The following CHLSN variants were observed in gnomAD, a reference collection of about 807,000 sequenced individuals.
CHLSN encodes protein cholesin.
the CHLSN span, among the ~76,000 whole-genome samples, chr7:1,022,270 C>G: frequency 6.6e-6 from 1 of 152,320 alleles, no homozygotes; most frequent in African/African-American, 2.4e-5. Flanking sequence ...TCCTGGACCA[C>G]GAGCTCCTCT....
chr7:1,074,290 C>T, the CHLSN span, among the ~76,000 whole-genome samples: 1 of 116,474 alleles, frequency 8.6e-6, no homozygotes, highest in Non-Finnish European at 1.8e-5. Flanking sequence ...CATCCCGCTG[C>T]CATCACGCCT....
chr7:1,119,873 G>A, the CHLSN span, among the ~76,000 whole-genome samples: 689 of 97,670 alleles, frequency 7.1e-3, 8 homozygotes, highest in African/African-American at 0.033. Context: ...GCGAAACTCC[G>A]TCAAAAAAAA....
the CHLSN span, among the ~76,000 whole-genome samples, chr7:1,132,291 T>G: frequency 6.6e-6 from 1 of 152,222 alleles, no homozygotes; most frequent in Admixed American, 6.5e-5. Flanking sequence ...CTAATGCCTG[T>G]AATCCCAGCA....
chr7:1,126,514 T>C, the CHLSN span, among the ~76,000 whole-genome samples: 143 of 151,990 alleles, frequency 9.4e-4, no homozygotes, highest in African/African-American at 3.4e-3. Context: ...ACCCGGTCTC[T>C]ATCAAATATA....
chr7:1,108,401 G>A, the CHLSN span, among the ~76,000 whole-genome samples: 12,721 of 151,078 alleles, frequency 0.084, 711 homozygotes, highest in South Asian at 0.12. Flanking sequence ...CGCGCTCTGC[G>A]GGGAAGCAGA....
the CHLSN span, among the ~76,000 whole-genome samples, chr7:1,017,872 G>C: frequency 6.6e-6 from 1 of 152,244 alleles, no homozygotes; most frequent in Non-Finnish European, 1.5e-5. Flanking sequence ...ACCCGCCTTG[G>C]TGGGATGGCG....
the CHLSN span, chr7:1,028,317 C>T: frequency 9.6e-7 from 1 of 1,037,472 alleles, no homozygotes; most frequent in Non-Finnish European, 1.2e-6. Context: ...GATGCGCCCG[C>T]AGTGCGCACC....
chr7:1,041,347 C>T, the CHLSN span, among the ~76,000 whole-genome samples: 1 of 105,192 alleles, frequency 9.5e-6, no homozygotes, highest in African/African-American at 4.5e-5. Context: ...GTCCGCGCTG[C>T]GGGGAAGGGG....
At chr7:995,698 T>C in the CHLSN span, among the ~76,000 whole-genome samples, 36 of 152,284 alleles carry the variant, frequency 2.4e-4, no homozygotes, top group Non-Finnish European at 4.7e-4. Context: ...AGGCACCGCC[T>C]GGCAGATCTG....
At chr7:1,061,259 G>A in the CHLSN span, among the ~76,000 whole-genome samples, 2 of 152,106 alleles carry the variant, frequency 1.3e-5, no homozygotes, top group Non-Finnish European at 2.9e-5. Context: ...CCTGCTGGGT[G>A]GCCCTGTGGA....
chr7:1,023,354 C>T, the CHLSN span, among the ~76,000 whole-genome samples: 3 of 152,150 alleles, frequency 2.0e-5, no homozygotes, highest in Admixed American at 6.5e-5. This position sits in a 1 kb window ranked among gnomAD's most constrained non-coding sequence, Gnocchi z 5.0. Context: ...TTAGGGAAGA[C>T]GCACAGGGGC....
chr7:1,060,465 A>T, the CHLSN span, among the ~76,000 whole-genome samples: 1 of 152,068 alleles, frequency 6.6e-6, no homozygotes, highest in Non-Finnish European at 1.5e-5. Context: ...TGGAATTCTG[A>T]GTATGCCCGG....
the CHLSN span, among the ~76,000 whole-genome samples, chr7:983,738 G>A: frequency 6.6e-6 from 1 of 152,212 alleles, no homozygotes; most frequent in Non-Finnish European, 1.5e-5. Context: ...TCGGCTGCCT[G>A]CTCAGCCCCC....
the CHLSN span, among the ~76,000 whole-genome samples, chr7:1,097,075 G>A: frequency 6.6e-6 from 1 of 152,254 alleles, no homozygotes; most frequent in Non-Finnish European, 1.5e-5. The surrounding 1 kb of genome is among the most constrained non-coding windows in gnomAD (Gnocchi z 4.3). Context: ...GAACGGGTCA[G>A]GGCTGAGGAC....
chr7:1,133,231 C>T, the CHLSN span, among the ~76,000 whole-genome samples: 1 of 152,000 alleles, frequency 6.6e-6, no homozygotes, highest in South Asian at 2.1e-4. Flanking sequence ...GCTCAGGATA[C>T]GCAAATTATA....
chr7:1,058,273 T>C, the CHLSN span: 1 of 772,796 alleles, frequency 1.3e-6, no homozygotes, highest in East Asian at 2.4e-5. Context: ...TATCTGATCC[T>C]GCTGGGGCAC....
At chr7:1,042,386 G>A in the CHLSN span, among the ~76,000 whole-genome samples, 1 of 152,186 alleles carries the variant, frequency 6.6e-6, no homozygotes, top group Non-Finnish European at 1.5e-5. Context: ...AGGGCCACAC[G>A]CCCCCCTACG....
the CHLSN span, chr7:986,743 G>T: frequency 9.3e-6 from 15 of 1,607,948 alleles, no homozygotes; most frequent in Non-Finnish European, 1.3e-5. Flanking sequence ...GGCCCCACGT[G>T]TGCCCGGGGG....
At chr7:986,180 G>A in the CHLSN span, among the ~76,000 whole-genome samples, 1 of 152,154 alleles carries the variant, frequency 6.6e-6, no homozygotes, top group South Asian at 2.1e-4. Context: ...CGAGTGGCAC[G>A]AGGTGTGGCG....
Sources: allele counts gnomAD v4.1 joint callset (sites outside exome capture counted in the v4.1 genomes callset), GRCh38; gene constraint gnomAD v4.1.1; non-coding constraint Gnocchi (gnomAD v3.1); transcripts MANE v1.5; gene names NCBI Gene and HGNC (gene_info 2026-07-23, HGNC 2026-07-21).